The following POSTN variants were observed in gnomAD, a reference collection of about 807,000 sequenced individuals.
POSTN encodes periostin, also known as osteoblast specific factor 2 (fasciclin I-like).
In POSTN, 71 loss-of-function variants were observed where a neutral mutation model predicts 104.5. That is an observed-to-expected ratio of 0.68 (90% CI 0.56 to 0.83). The LOEUF (loss-of-function observed/expected upper bound fraction) is 0.83. Ranked by LOEUF, POSTN falls within the 40% of genes least tolerant of loss-of-function variation. The pLI, the probability that POSTN is intolerant of heterozygous loss-of-function variation, is 0.00. For synonymous variants in POSTN, 355 were observed against 340.7 expected (o/e 1.04, Z -0.46); for missense variants, 949 against 1,006.8 (o/e 0.94, Z 0.78).
intron 13 of POSTN, 23 bp downstream of exon 13, chr13:37,579,206 T>C (rs1192391888): frequency 6.2e-7 from 1 of 1,609,150 alleles, no homozygotes; most frequent in Non-Finnish European, 8.5e-7. Flanking sequence ...AACACTATCA[T>C]AAATTCATTC....
intron 2 of POSTN, among the ~76,000 whole-genome samples, chr13:37,595,540 A>C (rs1160202945): frequency 6.6e-6 from 1 of 152,178 alleles, no homozygotes; most frequent in Non-Finnish European, 1.5e-5. Flanking sequence ...GCTAAGCTTA[A>C]ATGCCTTGTA....
intron 21 of POSTN, 41 bp downstream of exon 21, chr13:37,569,259 T>G (rs754867697): frequency 1.4e-6 from 2 of 1,457,514 alleles, no homozygotes; most frequent in South Asian, 1.2e-5. Context: ...ACTCAGTCAC[T>G]AGAACCTGTT....
At chr13:37,568,572 T>TTTGAATTGGCATTTG (rs1226604362) in intron 21 of POSTN, 37 of 152,112 alleles carry the variant, frequency 2.4e-4, no homozygotes, top group African/African-American at 8.2e-4. Context: ...CTTTCCTTGT[T>TTTGAATTGGCATTTG]AAAAAATGAA....
Position 37,579,279 on chromosome 13 carries a change from C to G in POSTN, c.1741G>C (p.Val581Leu). The G allele has an allele frequency of 6.2e-7, 1 of 1,608,118 alleles. No individual in the cohort carries two copies. Among genetic ancestry groups the G allele is most frequent in the Non-Finnish European group, 8.5e-7 (1 of 1,174,716 alleles). Residue 581 changes from valine to leucine, a missense_variant, in exon 13 of 23, where the codon GTT (valine) becomes CTT (leucine). Transcript: ENST00000379747. ...VFIGKGFEPG[V>L]TNILKTTQGS... The stretch of plus-strand genomic sequence containing the variant: ...TGTGTGGTCTTTAAAATGTTAGTAA[C>G]ACCAGGTTCAAATCCTTTTCCAATG...
intron 2 of POSTN, 60 bp downstream of exon 2, chr13:37,597,124 C>CATAT: frequency 9.2e-7 from 1 of 1,092,838 alleles, no homozygotes; most frequent in South Asian, 1.6e-5. Context: ...CAGGGGAAGG[C>CATAT]ATATACATCA....
intron 21 of POSTN, among the ~76,000 whole-genome samples, chr13:37,567,293 T>C (rs1050101080): frequency 1.3e-5 from 2 of 149,432 alleles, no homozygotes; most frequent in African/African-American, 2.5e-5. Flanking sequence ...ATGAACTGTT[T>C]AGATAGAAAA....
chr13:37,573,924 A>ATGTGTG lies in POSTN; in HGVS notation c.2089+642_2089+647dup, dbSNP rs59536872. Among the ~76,000 whole-genome samples, 288 of 150,706 alleles carry ATGTGTG rather than the reference A, an allele frequency of 1.9e-3. 2 individuals are homozygous for ATGTGTG. Among genetic ancestry groups the ATGTGTG allele is most frequent in the African/African-American group, 6.5e-3 (268 of 41,194 alleles). ...TTCTAGTCTGAAACATCAGGAGAGA[A>ATGTGTG]TGTGTGTGTGTGTCTGTATTATATA... On this transcript the variant is annotated intron_variant, in intron 17 of 22. Coordinates refer to ENST00000379747, the MANE Select transcript of POSTN (RefSeq NM_006475.3).
At chr13:37,585,081 A>C (rs1950705164) in intron 7 of POSTN, among the ~76,000 whole-genome samples, 153 bp from the exon 8 acceptor site, 1 of 152,234 alleles carries the variant, frequency 6.6e-6, no homozygotes, top group Non-Finnish European at 1.5e-5. Flanking sequence ...TTATGTTCTA[A>C]AAGTTTTTTC....
chr13:37,581,169 G>A lies in POSTN; in HGVS notation c.1393-472C>T, dbSNP rs1037407195. ...CATATTCATAGCTTTTTGAACGAAC[G>A]TGATATATATATACACACATATATT... On this transcript the variant is annotated intron_variant, in intron 10 of 22. Coordinates refer to ENST00000379747, the MANE Select transcript of POSTN (RefSeq NM_006475.3). 5.3e-5 allele frequency among the ~76,000 whole-genome samples: 8 copies of A among 152,056 alleles called. 1 individual carries two copies. Among genetic ancestry groups the A allele is most frequent in the Admixed American group, 5.2e-4 (8 of 15,274 alleles).
intron 19 of POSTN, among the ~76,000 whole-genome samples, chr13:37,570,218 T>G (rs1349051152): frequency 6.6e-6 from 1 of 151,838 alleles, no homozygotes; most frequent in Non-Finnish European, 1.5e-5. Context: ...GGCAGGTAGA[T>G]GTACAGACCT....
At chr13:37,584,472 GA>G (rs1950687282) in intron 8 of POSTN, among the ~76,000 whole-genome samples, 1 of 152,052 alleles carries the variant, frequency 6.6e-6, no homozygotes. Flanking sequence ...CTGGCACTGT[GA>G]AAACGGTTAT....
rs1240532631 is a variant in POSTN, at chr13:37,590,522, G to A, written c.291C>T (p.Pro97=). Residue 97 remains proline (P), a synonymous_variant, in exon 4 of 23, where the codon CCC becomes CCT. Transcript: ENST00000379747. ...CCAGAGTGCCATAAACATGGTCAAT[G>A]GGCAAAACTGAAATAATCAAGAAAT... ...EGMKGCPAVL[P]IDHVYGTLGI... 10 of 1,609,774 alleles carry A rather than the reference G, an allele frequency of 6.2e-6. No individual in the cohort carries two copies. Among genetic ancestry groups the A allele is most frequent in the South Asian group, 1.1e-5 (1 of 90,494 alleles).
intron 17 of POSTN, chr13:37,571,664 T>C (rs1004000562): frequency 1.0e-4 from 47 of 458,802 alleles, no homozygotes; most frequent in Admixed American, 1.7e-4. Flanking sequence ...GTTTGTGTGC[T>C]ACTAAAATTA....
Position 37,579,133 on chromosome 13 carries a change from G to A in POSTN, c.1792-12C>T. On this transcript the variant is annotated splice_polypyrimidine_tract_variant and intron_variant, in intron 13 of 22. Coordinates refer to ENST00000379747, the MANE Select transcript of POSTN (RefSeq NM_006475.3). ...AGTGTATCATTTACCTATCAAAATAGGAGGCAATTTCAATGAGGAAATTTC... is the reference window on the plus strand; with the variant it reads ...AGTGTATCATTTACCTATCAAAATAAGAGGCAATTTCAATGAGGAAATTTC... The A allele has an allele frequency of 6.2e-7, 1 of 1,609,698 alleles. No homozygotes were observed. The highest frequency in any genetic ancestry group is 8.5e-7 in the Non-Finnish European group (1 of 1,176,912).
chr13:37,581,845 T>C (rs1950598447), intron 10 of POSTN, among the ~76,000 whole-genome samples: 1 of 152,234 alleles, frequency 6.6e-6, no homozygotes, highest in Non-Finnish European at 1.5e-5. Context: ...TTTTACAGTA[T>C]AAGATCACCT....
chr13:37,563,153 C>T lies in POSTN; in HGVS notation c.*180G>A. ...CCTTTACCACAGGAGGCTAACTCCACAATTTCCCTCATGTTTCTCATTCAG... is the reference window on the plus strand; with the variant it reads ...CCTTTACCACAGGAGGCTAACTCCATAATTTCCCTCATGTTTCTCATTCAG... On this transcript the variant is annotated 3_prime_UTR_variant, in exon 23 of 23. Coordinates refer to ENST00000379747, the MANE Select transcript of POSTN (RefSeq NM_006475.3). 7.2e-6 allele frequency: 3 copies of T among 417,246 alleles called. No homozygotes were observed. The highest frequency in any genetic ancestry group is 8.7e-6 in the Non-Finnish European group (2 of 230,998). The allele number at this position is 417,246 out of a possible 1,614,324, so 25.8% of individuals were successfully genotyped here. A position where few individuals can be genotyped will look rare whatever the true frequency, so the allele number is the denominator to read the frequency against.
At chr13:37,564,623 C>T in intron 21 of POSTN, 63 bp from the exon 22 acceptor site, 1 of 904,298 alleles carries the variant, frequency 1.1e-6, no homozygotes. Context: ...GACAGGAGAC[C>T]ATGGTTAAAC....
intron 2 of POSTN, among the ~76,000 whole-genome samples, chr13:37,593,687 A>AG (rs1951006903): frequency 6.6e-6 from 1 of 151,562 alleles, no homozygotes; most frequent in South Asian, 2.1e-4. Flanking sequence ...AAAATAATTT[A>AG]GACATGAAAG....
In POSTN at chr13:37,587,978, A is replaced by G; in HGVS notation, c.450T>C (p.Arg150=). The G allele has an allele frequency of 6.3e-7, 1 of 1,590,814 alleles. No individual in the cohort carries two copies. The highest frequency in any genetic ancestry group is 8.6e-7 in the Non-Finnish European group (1 of 1,165,934). The change falls in exon 5 of 23, where the codon CGT becomes CGC. Residue 150 remains arginine, a synonymous_variant. Transcript: ENST00000379747. ...EAWDNLDSDI[R]RGLESNVNVE... ...CATTCACGTTGCTCTCCAAACCTCT[A>G]CGGATATCCTAGGAAAAATTGCAAT...
Sources: allele counts gnomAD v4.1 joint callset (sites outside exome capture counted in the v4.1 genomes callset), GRCh38; gene constraint gnomAD v4.1.1; transcripts MANE v1.5; gene names NCBI Gene and HGNC (gene_info 2026-07-23, HGNC 2026-07-21).